The following GLB1 variants were observed in gnomAD, a reference collection of about 807,000 sequenced individuals.
GLB1 encodes the protein galactosidase beta 1, also known as beta-galactosidase.
In GLB1, 56 loss-of-function variants were observed where a neutral mutation model predicts 74.0. The ratio of observed to expected loss-of-function variants is 0.76; its 90% CI spans 0.61 to 0.94. The LOEUF is 0.94. Among genes scored for constraint, GLB1 ranks in the 40% least tolerant of loss-of-function variants. The pLI is 0.00. For synonymous variants in GLB1, 323 were observed against 323.6 expected (o/e 1.00, Z 0.02); for missense variants, 787 against 845.5 (o/e 0.93, Z 0.86).
intron 10 of GLB1, among the ~76,000 whole-genome samples, chr3:33,027,282 A>G (rs539620342): frequency 7.6e-4 from 116 of 152,392 alleles, no homozygotes; most frequent in Non-Finnish European, 1.4e-3. Context: ...ACCCTGCAGC[A>G]GCAGCAGCCA....
Position 33,009,968 on chromosome 3 carries a change from G to A in GLB1, c.1734+4088C>T, listed in dbSNP as rs181766917. Among the ~76,000 whole-genome samples the A allele has an allele frequency of 6.6e-5, 10 of 152,258 alleles. No individual in the cohort carries two copies. The East Asian group carries it at 9.6e-4, about 15-fold the overall frequency. ...CTCCATTCCTTTTTATTGAGGAATC[G>A]TATGGATATACATGCTTTCTCCACT... On this transcript the variant is annotated intron_variant, in intron 15 of 15. Coordinates refer to ENST00000307363, the MANE Select transcript of GLB1 (RefSeq NM_000404.4).
intron 15 of GLB1, among the ~76,000 whole-genome samples, chr3:33,007,522 T>C (rs901546905): frequency 1.3e-5 from 2 of 152,230 alleles, no homozygotes; most frequent in Non-Finnish European, 2.9e-5. Context: ...AATTCTTCCA[T>C]GTTGTAACAT....
chr3:33,092,097 C>T (rs1700787480), intron 1 of GLB1: 1 of 985,352 alleles, frequency 1.0e-6, no homozygotes, highest in African/African-American at 1.7e-5. Flanking sequence ...GGAGGCAAAG[C>T]CCTCTGAATT....
rs1350948473 is a variant in GLB1 at position 33,087,601 on chromosome 3, A to G, written c.75+9410T>C. ...CGCGCACACACACACACACACACAC[A>G]CACACACACACACACACACACACAC... On this transcript the variant is annotated intron_variant, in intron 1 of 15. Transcript: ENST00000307363. Among the ~76,000 whole-genome samples the G allele has an allele frequency of 3.6e-3, 538 of 148,914 alleles. 1 individual carries two copies. Among genetic ancestry groups the G allele is most frequent in the South Asian group, 7.8e-3 (37 of 4,774 alleles).
intron 15 of GLB1, among the ~76,000 whole-genome samples, chr3:33,008,911 G>C (rs1221252449): frequency 6.6e-6 from 1 of 151,232 alleles, no homozygotes; most frequent in African/African-American, 2.4e-5. Flanking sequence ...CCTGACGTCG[G>C]GAGTTTGAGA....
the GLB1 span, among the ~76,000 whole-genome samples, chr3:32,980,511 T>C: frequency 1.6e-3 from 244 of 152,358 alleles, 2 homozygotes; most frequent in African/African-American, 5.6e-3. Flanking sequence ...AACTATATCC[T>C]AAAATCCTTA....
At chr3:33,010,687 G>C (rs1696983812) in intron 15 of GLB1, among the ~76,000 whole-genome samples, 1 of 152,062 alleles carries the variant, frequency 6.6e-6, no homozygotes, top group South Asian at 2.1e-4. Context: ...TAATGCCTTA[G>C]GTGTCAAATC....
At chr3:33,066,173 T>C (rs1699673784) in intron 4 of GLB1, among the ~76,000 whole-genome samples, 1 of 152,140 alleles carries the variant, frequency 6.6e-6, no homozygotes, top group African/African-American at 2.4e-5. Context: ...TGTATCCATC[T>C]GCTATGGTTG....
At chr3:33,092,726 G>A in intron 1 of GLB1, 1 of 1,490,622 alleles carries the variant, frequency 6.7e-7, no homozygotes, top group Non-Finnish European at 8.9e-7. Flanking sequence ...GGGTGTGTAG[G>A]CAAGGATGAG....
intron 1 of GLB1, chr3:33,092,614 A>G: frequency 1.5e-6 from 2 of 1,360,372 alleles, no homozygotes; most frequent in Non-Finnish European, 1.9e-6. Context: ...TGATCTCACA[A>G]GTGCATCAAA....
At chr3:33,006,441 G>A (rs1010415851) in intron 15 of GLB1, among the ~76,000 whole-genome samples, 1 of 151,674 alleles carries the variant, frequency 6.6e-6, no homozygotes, top group African/African-American at 2.4e-5. Context: ...TGACCACACA[G>A]TCCATGGAAA....
At chr3:33,059,025 T>C (rs1382307361) in intron 5 of GLB1, among the ~76,000 whole-genome samples, 1 of 152,218 alleles carries the variant, frequency 6.6e-6, no homozygotes, top group Non-Finnish European at 1.5e-5. Flanking sequence ...GACATGCTCA[T>C]GGCATCCAGT....
At chr3:33,037,172 A>C (rs1425457232) in intron 10 of GLB1, among the ~76,000 whole-genome samples, 1 of 151,754 alleles carries the variant, frequency 6.6e-6, no homozygotes, top group Admixed American at 6.6e-5. Context: ...CAGTCTCCCG[A>C]GTAGCTGGAA....
chr3:33,042,247 C>A (rs371241532), intron 10 of GLB1, among the ~76,000 whole-genome samples: 3 of 152,250 alleles, frequency 2.0e-5, no homozygotes, highest in African/African-American at 7.2e-5. Context: ...GCTTTAACAA[C>A]GGCTCTGCTC....
chr3:33,031,641 ATATATATAT>A (rs1338366670), intron 10 of GLB1, among the ~76,000 whole-genome samples: 15 of 18,944 alleles, frequency 7.9e-4, no homozygotes, highest in Admixed American at 1.1e-3. Context: ...AAAAAAAAAA[ATATATATAT>A]ATATATATAT....
the GLB1 span, among the ~76,000 whole-genome samples, chr3:32,976,531 C>T: frequency 2.0e-5 from 3 of 152,226 alleles, no homozygotes; most frequent in Non-Finnish European, 4.4e-5. Flanking sequence ...TATTTTCTCA[C>T]ATCCCAAAAC....
the GLB1 span, among the ~76,000 whole-genome samples, chr3:32,972,981 T>C: frequency 1.3e-5 from 2 of 152,182 alleles, no homozygotes; most frequent in African/African-American, 4.8e-5. Flanking sequence ...ACAAAACATG[T>C]TTTTCCTTGA....
chr3:33,065,659 A>G, intron 4 of GLB1, 102 bp from the exon 5 acceptor site: 2 of 1,388,738 alleles, frequency 1.4e-6, no homozygotes, highest in Non-Finnish European at 2.0e-6. Flanking sequence ...AAATTCGTAA[A>G]CTTTTTAAAA....
chr3:33,084,646 G>A lies in GLB1; in HGVS notation c.76-11933C>T, dbSNP rs1207853680. On this transcript the variant is annotated intron_variant, in intron 1 of 15. Coordinates refer to ENST00000307363, the MANE Select transcript of GLB1 (RefSeq NM_000404.4). Reference sequence around the variant, plus strand: ...CTTTAGACTGATTCCCAATCCTCACGGACTCTGGACATACACAGATTTAAA... The same window carrying A: ...CTTTAGACTGATTCCCAATCCTCACAGACTCTGGACATACACAGATTTAAA... 2.0e-5 allele frequency among the ~76,000 whole-genome samples: 3 copies of A among 152,154 alleles called. No individual in the cohort carries two copies. In the East Asian group the frequency reaches 5.8e-4, roughly 29 times the overall value.
Sources: gnomAD v4.1 joint callset for allele counts (sites outside exome capture counted in the v4.1 genomes callset) on GRCh38, gnomAD v4.1.1 for gene constraint, MANE v1.5 for transcripts, NCBI Gene and HGNC (gene_info 2026-07-23, HGNC 2026-07-21) for gene names.